The following KLHL15 variants were observed in gnomAD, a reference collection of about 807,000 sequenced individuals.
The protein encoded by KLHL15 is kelch-like protein 15.
In KLHL15, 1 loss-of-function variant was observed where a neutral mutation model predicts 29.3. The ratio of observed to expected loss-of-function variants is 0.03; its 90% confidence interval spans 0.01 to 0.16. The LOEUF (loss-of-function observed/expected upper bound fraction) is 0.16. Ranked by LOEUF, KLHL15 falls within the 10% of genes least tolerant of loss-of-function variation. The pLI, the probability that KLHL15 is intolerant of heterozygous loss-of-function variation, is 1.00. For synonymous variants in KLHL15, 212 were observed against 184.5 expected (o/e 1.15, Z -1.21); for missense variants, 215 against 478.5 (o/e 0.45, Z 5.14).
In KLHL15 at chrX:24,018,076, G is replaced by C. The variant is rs1304153610; in HGVS notation, c.-8+6781C>G. Among the ~76,000 whole-genome samples, 5 of 111,658 alleles carry C rather than the reference G, an allele frequency of 4.5e-5. No individual in the cohort carries two copies. The Admixed American group carries it at 4.8e-4, about 11-fold the overall frequency. ...ACCACGATGAAGCCACTGCATTCCA[G>C]TCTGGGCAACAGAACAAGGCCCTGT... On this transcript the variant is annotated intron_variant, in intron 2 of 3. Coordinates refer to ENST00000328046, the MANE Select transcript of KLHL15 (RefSeq NM_030624.3).
At chrX:24,026,582 G>T (rs145153276) in intron 1 of KLHL15, among the ~76,000 whole-genome samples, 1 of 35,656 alleles carries the variant, frequency 2.8e-5, no homozygotes, top group African/African-American at 1.0e-4. Flanking sequence ...CCCACCCCCC[G>T]CCGCCATTTT....
rs1411316778 is a variant in KLHL15 at position 23,985,077 on chromosome X, C to CT, written c.*2843dup. On this transcript the variant is annotated 3_prime_UTR_variant, in exon 4 of 4. Coordinates refer to ENST00000328046, the MANE Select transcript of KLHL15 (RefSeq NM_030624.3). Reference sequence around the variant, plus strand: ...GAAAAGGCTGTAGTGCAAGGAATTTCTTTAAAATCAAAACTTAGAAGGTCA... The same window carrying CT: ...GAAAAGGCTGTAGTGCAAGGAATTTCTTTTAAAATCAAAACTTAGAAGGTCA... 1.6e-4 allele frequency: 18 copies of CT among 112,145 alleles called. No homozygotes were observed. Among genetic ancestry groups the CT allele is most frequent in the African/African-American group, 5.5e-4 (17 of 31,008 alleles). 9.2% of individuals were successfully genotyped at this position (112,145 alleles called of 1,213,427 possible). A position where few individuals can be genotyped will look rare whatever the true frequency, so the allele number is the denominator to read the frequency against.
chrX:24,006,265 G>A lies in KLHL15; in HGVS notation c.429C>T (p.Phe143=), dbSNP rs762473984. The A allele has an allele frequency of 4.1e-6, 5 of 1,211,511 alleles. No homozygotes were observed. Among genetic ancestry groups the A allele is most frequent in the South Asian group, 3.5e-5 (2 of 56,966 alleles). The change falls in exon 3 of 4, where the codon TTC becomes TTT. Residue 143 remains phenylalanine (F), a synonymous_variant. Coordinates refer to ENST00000328046, the MANE Select transcript of KLHL15 (RefSeq NM_030624.3). ...CAEIMRLLDD[F]GVNIEGVREK... is the part of the protein sequence containing the mutation. ...CCCTGACTCCCTCGATGTTTACGCC[G>A]AAATCATCTAAGAGTCTCATAATTT...
intron 2 of KLHL15, among the ~76,000 whole-genome samples, chrX:24,007,597 G>A (rs1440401350): frequency 1.1e-5 from 1 of 95,048 alleles, no homozygotes. Context: ...ATTTCATATT[G>A]TTCATCAAAT....
rs1929018660 is a variant in KLHL15 at position 23,988,173 on chromosome X, C to T, written c.1563G>A (p.Gln521=). Residue 521 remains glutamine (Q), a synonymous_variant, in exon 4 of 4, where the codon CAG becomes CAA. Transcript: ENST00000328046. The part of the protein sequence containing the change: ...STEVYNPETD[Q]WTILASMPIG... ...TCGGCATGGATGCCAAGATGGTCCA[C>T]TGATCAGTCTCTGGGTTGTATACTT... The T allele has an allele frequency of 8.2e-7, 1 of 1,212,146 alleles. No homozygotes were observed. The highest frequency in any genetic ancestry group is 1.1e-6 in the Non-Finnish European group (1 of 895,594).
chrX:23,984,571 A>G lies in KLHL15; in HGVS notation c.*3350T>C, dbSNP rs761361085. ...TAAAACTTTAAATTATGAATTCTCAAAAGAGCTAGTCTCCTCTGAGAGATA... is the reference window on the plus strand; with the variant it reads ...TAAAACTTTAAATTATGAATTCTCAGAAGAGCTAGTCTCCTCTGAGAGATA... On this transcript the variant is annotated 3_prime_UTR_variant, in exon 4 of 4. Transcript: ENST00000328046. The G allele has an allele frequency of 1.6e-4, 18 of 112,489 alleles. No individual in the cohort carries two copies. Among genetic ancestry groups the G allele is most frequent in the African/African-American group, 5.5e-4 (17 of 31,117 alleles). The allele number at this position is 112,489 out of a possible 1,213,427, so 9.3% of individuals were successfully genotyped here.
chrX:24,005,701 A>G (rs752654774), intron 3 of KLHL15, among the ~76,000 whole-genome samples: 116 of 112,470 alleles, frequency 1.0e-3, no homozygotes, highest in African/African-American at 3.5e-3. Context: ...AATATTTTGC[A>G]TAAAGTAATT....
At chrX:23,998,843 A>G (rs1216615683) in intron 3 of KLHL15, among the ~76,000 whole-genome samples, 1 of 111,302 alleles carries the variant, frequency 9.0e-6, no homozygotes, top group Admixed American at 9.6e-5. Flanking sequence ...GATCCTTTTC[A>G]ATTTCTGCTT....
Position 23,985,360 on chromosome X carries a change from TTAGTA to T in KLHL15, c.*2556_*2560del, listed in dbSNP as rs775684221. On this transcript the variant is annotated 3_prime_UTR_variant, in exon 4 of 4. Transcript: ENST00000328046. ...ATGCTATGAAAAACTTTTCCATAGT[TTAGTA>T]TAACAAAAATAAATCTCTTGCAGCA... 34 of 111,920 alleles carry T rather than the reference TTAGTA, an allele frequency of 3.0e-4. No individual in the cohort carries two copies. The highest frequency in any genetic ancestry group is 1.0e-3 in the African/African-American group (31 of 30,893). The allele number at this position is 111,920 out of a possible 1,213,427, so 9.2% of individuals were successfully genotyped here.
rs1293001508 is a variant in KLHL15, at chrX:24,006,704, G to GA, written c.-7-5dup. 4 of 1,141,885 alleles carry GA rather than the reference G, an allele frequency of 3.5e-6. No homozygotes were observed. The highest frequency in any genetic ancestry group is 2.4e-4 in the Middle Eastern group (1 of 4,124). The allele number at this position is 1,141,885 out of a possible 1,213,427, so 94.1% of individuals were successfully genotyped here. Reference sequence around the variant, plus strand: ...CACGTCCCCTGCCATGAATCACCTGGAAAAAAATCAAAGACAACAATGTTA... The same window carrying GA: ...CACGTCCCCTGCCATGAATCACCTGGAAAAAAAATCAAAGACAACAATGTTA... On this transcript the variant is annotated splice_polypyrimidine_tract_variant and splice_region_variant and intron_variant, in intron 2 of 3. Coordinates refer to ENST00000328046, the MANE Select transcript of KLHL15 (RefSeq NM_030624.3).
intron 3 of KLHL15, among the ~76,000 whole-genome samples, chrX:23,994,654 G>C (rs898718400): frequency 8.9e-6 from 1 of 111,815 alleles, no homozygotes; most frequent in Non-Finnish European, 1.9e-5. Context: ...TTCATGTTCT[G>C]AATTACTTTC....
intron 2 of KLHL15, among the ~76,000 whole-genome samples, chrX:24,012,018 G>A (rs1031777741): frequency 9.0e-6 from 1 of 110,528 alleles, no homozygotes; most frequent in African/African-American, 3.3e-5. Context: ...GTGTGATGGC[G>A]GGTACCTGTA....
At chrX:23,999,594 C>CAAAAAAAAAAAAA (rs57473929) in intron 3 of KLHL15, among the ~76,000 whole-genome samples, 5 of 55,434 alleles carry the variant, frequency 9.0e-5, no homozygotes, top group African/African-American at 3.6e-4. Context: ...GACTCCGTCT[C>CAAAAAAAAAAAAA]AAAAAAAAAA....
intron 2 of KLHL15, among the ~76,000 whole-genome samples, chrX:24,017,867 G>A (rs1364564081): frequency 3.6e-5 from 4 of 110,474 alleles, no homozygotes; most frequent in Non-Finnish European, 7.6e-5. Flanking sequence ...CAACATTTTG[G>A]GAGGCAAGGC....
Position 23,987,781 on chromosome X carries a change from C to T in KLHL15, c.*140G>A. ...ACTGAAAAGAAAAAAAGGATGCTAG[C>T]ACAGAATGAAAAATTCTTACAATGT... On this transcript the variant is annotated 3_prime_UTR_variant, in exon 4 of 4. Transcript: ENST00000328046. The T allele has an allele frequency of 3.5e-6, 2 of 563,702 alleles. No individual in the cohort carries two copies. Among genetic ancestry groups the T allele is most frequent in the Non-Finnish European group, 5.5e-6 (2 of 361,360 alleles). 46.5% of individuals were successfully genotyped at this position (563,702 alleles called of 1,213,427 possible).
Position 23,995,107 on chromosome X carries a change from T to TAC in KLHL15, c.706-6079_706-6078dup, listed in dbSNP as rs776165981. ...CAGTTCCTGTAAATATGTATACACA[T>TAC]ACACACACACACGCATATATACACA... On this transcript the variant is annotated intron_variant, in intron 3 of 3. Coordinates refer to ENST00000328046, the MANE Select transcript of KLHL15 (RefSeq NM_030624.3). 1.9e-3 allele frequency among the ~76,000 whole-genome samples: 214 copies of TAC among 111,391 alleles called. 2 individuals carry two copies. Among genetic ancestry groups the TAC allele is most frequent in the African/African-American group, 6.4e-3 (195 of 30,659 alleles).
chrX:24,013,478 G>A (rs940812531), intron 2 of KLHL15, among the ~76,000 whole-genome samples: 6 of 109,848 alleles, frequency 5.5e-5, no homozygotes, highest in Admixed American at 9.8e-5. Flanking sequence ...TTGGCCAGCT[G>A]GTCTTGAACT....
At chrX:23,991,563 T>A (rs1488760650) in intron 3 of KLHL15, among the ~76,000 whole-genome samples, 2 of 110,094 alleles carry the variant, frequency 1.8e-5, no homozygotes, top group Non-Finnish European at 3.8e-5. Flanking sequence ...AAAACCAGGC[T>A]GGGCGCGGTG....
At chrX:23,994,554 GA>G (rs1360627432) in intron 3 of KLHL15, among the ~76,000 whole-genome samples, 1 of 111,856 alleles carries the variant, frequency 8.9e-6, no homozygotes, top group African/African-American at 3.2e-5. Context: ...TTTTCATAGA[GA>G]AGGCACTTCT....
Sources: gnomAD v4.1 joint callset for allele counts (sites outside exome capture counted in the v4.1 genomes callset) on GRCh38, gnomAD v4.1.1 for gene constraint, MANE v1.5 for transcripts, NCBI Gene and HGNC (gene_info 2026-07-23, HGNC 2026-07-21) for gene names.